Variants in SFMBT1 observed in about 807,000 individuals in gnomAD.
The protein encoded by SFMBT1 is Scm like with four mbt domains 1, also known as scm-like with four MBT domains protein 1.
In SFMBT1, 32 loss-of-function variants were observed where a neutral mutation model predicts 108.7. That is an observed-to-expected ratio of 0.29 (90% CI 0.22 to 0.40). SFMBT1 has a LOEUF of 0.40. SFMBT1 is among the 10% of genes least tolerant of loss of function. SFMBT1 has a pLI of 1.00. For missense variants in SFMBT1, 816 were observed against 1,059.6 expected, an observed-to-expected ratio of 0.77 and a Z score of 3.19; for synonymous variants, 348 against 369.5, an observed-to-expected ratio of 0.94 and a Z score of 0.67.
chr3:52,906,590 G>A (rs1160826789), intron 19 of SFMBT1, among the ~76,000 whole-genome samples: 1 of 152,206 alleles, frequency 6.6e-6, no homozygotes, highest in South Asian at 2.1e-4. Flanking sequence ...TCTGTTCATG[G>A]AATATTCTTA....
At chr3:53,032,674 A>G (rs1031414237) in intron 1 of SFMBT1, among the ~76,000 whole-genome samples, 3 of 152,220 alleles carry the variant, frequency 2.0e-5, no homozygotes, top group Admixed American at 6.5e-5. Context: ...TCATTCAGCT[A>G]TAATTTATTT....
At chr3:53,034,340 G>A (rs1699795793) in intron 1 of SFMBT1, among the ~76,000 whole-genome samples, 1 of 152,162 alleles carries the variant, frequency 6.6e-6, no homozygotes, top group Admixed American at 6.5e-5. Context: ...ACTGTGGGAG[G>A]CCCAGGCGGG....
chr3:52,921,877 T>C, intron 10 of SFMBT1, 46 bp from the exon 11 acceptor site: 8 of 1,593,180 alleles, frequency 5.0e-6, no homozygotes, highest in South Asian at 1.1e-5. Context: ...TAACACAGTA[T>C]TAACTCACGT....
intron 1 of SFMBT1, among the ~76,000 whole-genome samples, chr3:52,994,893 C>A (rs1698267507): frequency 2.0e-5 from 3 of 146,994 alleles, no homozygotes; most frequent in South Asian, 4.3e-4. Context: ...TTTTATCAAA[C>A]AAATTGGAAA....
intron 1 of SFMBT1, among the ~76,000 whole-genome samples, chr3:52,999,515 T>C (rs1008268034): frequency 2.7e-5 from 4 of 150,324 alleles, no homozygotes; most frequent in Admixed American, 6.7e-5. Context: ...CAAAAAGCCT[T>C]GGCCAGTGCT....
At chr3:52,991,709 G>A (rs1575424080) in intron 1 of SFMBT1, among the ~76,000 whole-genome samples, 1 of 152,000 alleles carries the variant, frequency 6.6e-6, no homozygotes, top group South Asian at 2.1e-4. Context: ...GAAGCGATTG[G>A]ATCAATGCCA....
intron 1 of SFMBT1, among the ~76,000 whole-genome samples, chr3:52,993,850 A>C (rs912620824): frequency 6.6e-6 from 1 of 150,482 alleles, no homozygotes; most frequent in Non-Finnish European, 1.5e-5. Flanking sequence ...ACAATAAAAC[A>C]GTGTAAGAGA....
intron 11 of SFMBT1, among the ~76,000 whole-genome samples, chr3:52,920,879 G>A (rs1702503580): frequency 6.6e-6 from 1 of 152,088 alleles, no homozygotes; most frequent in Admixed American, 6.6e-5. Flanking sequence ...GAATATACAG[G>A]GTGACACTTA....
intron 19 of SFMBT1, among the ~76,000 whole-genome samples, chr3:52,906,799 C>G (rs1702075497): frequency 6.6e-6 from 1 of 152,136 alleles, no homozygotes; most frequent in African/African-American, 2.4e-5. Flanking sequence ...TGACAAGCTA[C>G]AAATAAGCTA....
chr3:53,014,692 A>G (rs1046188307), intron 1 of SFMBT1, among the ~76,000 whole-genome samples: 1 of 152,090 alleles, frequency 6.6e-6, no homozygotes, highest in African/African-American at 2.4e-5. Flanking sequence ...CGCAACACAA[A>G]ATCAGGTGTC....
chr3:53,031,722 GATTAAA>G (rs1699693541), intron 1 of SFMBT1, among the ~76,000 whole-genome samples: 1 of 152,066 alleles, frequency 6.6e-6, no homozygotes, highest in African/African-American at 2.4e-5. Flanking sequence ...ATGCCATGGT[GATTAAA>G]AGACAGACAC....
chr3:53,025,360 CA>C (rs1479846864), intron 1 of SFMBT1, among the ~76,000 whole-genome samples: 2 of 152,188 alleles, frequency 1.3e-5, no homozygotes, highest in Non-Finnish European at 2.9e-5. Flanking sequence ...TGTATCCTAA[CA>C]CTTTGGGAGG....
Position 52,930,951 on chromosome 3 carries a change from T to A in SFMBT1, c.785A>T (p.Tyr262Phe). 6.2e-7 allele frequency: 1 copy of A among 1,613,946 alleles called. No homozygotes were observed. Among genetic ancestry groups the A allele is most frequent in the Non-Finnish European group, 8.5e-7 (1 of 1,179,850 alleles). The change falls in exon 7 of 21, where the codon TAC becomes TTC. Residue 262 changes from tyrosine to phenylalanine, a missense_variant. Tyr to Phe is a conservative substitution (Grantham distance 22). This residue lies in a region of SFMBT1 where 495 missense variants were observed against 607.4 expected (regional missense o/e 0.81). Coordinates refer to ENST00000394752, the MANE Select transcript of SFMBT1 (RefSeq NM_016329.4). ...KEEEEEPLPS[Y>F]LFKDKQVIGI... ...ATGTTTTGTTTTTACCTTAAATAAG[T>A]AAGATGGTAATGGCTCTTCCTCTTC...
At chr3:52,979,708 A>C (rs1704641299) in intron 1 of SFMBT1, among the ~76,000 whole-genome samples, 1 of 152,252 alleles carries the variant, frequency 6.6e-6, no homozygotes, top group Non-Finnish European at 1.5e-5. Context: ...TATTCTACTT[A>C]AAGGAGGCTT....
rs761005743 is a variant in SFMBT1 at position 52,926,021 on chromosome 3, G to A, written c.1131+10C>T. ...TGCCATAGTGGCCATGAGGCCGTGGGGGTCCTCACCGGAGGGAAGCACCTC... is the reference window on the plus strand; with the variant it reads ...TGCCATAGTGGCCATGAGGCCGTGGAGGTCCTCACCGGAGGGAAGCACCTC... On this transcript the variant is annotated intron_variant, in intron 10 of 20. Transcript: ENST00000394752. 16 of 1,605,860 alleles carry A rather than the reference G, an allele frequency of 1.0e-5. No homozygotes were observed. The highest frequency in any genetic ancestry group is 1.2e-5 in the Non-Finnish European group (14 of 1,176,864).
intron 4 of SFMBT1, among the ~76,000 whole-genome samples, chr3:52,935,953 T>A (rs537245568): frequency 6.6e-6 from 1 of 152,196 alleles, no homozygotes; most frequent in African/African-American, 2.4e-5. Context: ...TGGTGACCAG[T>A]TGTTCTACTG....
chr3:52,963,404 G>A (rs1247615171), intron 2 of SFMBT1, among the ~76,000 whole-genome samples: 1 of 151,860 alleles, frequency 6.6e-6, no homozygotes, highest in Non-Finnish European at 1.5e-5. Flanking sequence ...GCTAACTGTT[G>A]GTGGGAAAAC....
At chr3:52,988,389 C>T (rs371922896) in intron 1 of SFMBT1, among the ~76,000 whole-genome samples, 16 of 152,188 alleles carry the variant, frequency 1.1e-4, no homozygotes, top group Middle Eastern at 3.4e-3. Flanking sequence ...TCAAAAATCA[C>T]GACAGGCAAC....
chr3:52,932,724 A>C (rs765675332), intron 5 of SFMBT1, among the ~76,000 whole-genome samples: 9 of 152,110 alleles, frequency 5.9e-5, no homozygotes, highest in Non-Finnish European at 8.8e-5. Flanking sequence ...CAGTGTGGCC[A>C]ACATGGTGAA....
Sources: allele counts gnomAD v4.1 joint callset (sites outside exome capture counted in the v4.1 genomes callset), GRCh38; gene constraint gnomAD v4.1.1; regional missense constraint gnomAD v4.1.1; transcripts MANE v1.5; gene names NCBI Gene and HGNC (gene_info 2026-07-23, HGNC 2026-07-21).